Variants in LTBP2 observed in about 807,000 individuals in gnomAD.
LTBP2 encodes the protein latent transforming growth factor beta binding protein 2.
LTBP2 carries 103 observed loss-of-function variants against 210.6 expected under a neutral mutation model. That is an observed-to-expected ratio of 0.49 (90% confidence interval 0.42 to 0.58). The LOEUF is 0.58. LTBP2 is among the 20% of genes least tolerant of loss of function. LTBP2 has a pLI of 0.00. For synonymous variants in LTBP2, 1,007 were observed against 1,015.0 expected (o/e 0.99, Z 0.15); for missense variants, 2,313 against 2,494.5 (o/e 0.93, Z 1.55).
chr14:74,524,239 G>A (rs905437670), intron 15 of LTBP2, among the ~76,000 whole-genome samples: 12 of 152,164 alleles, frequency 7.9e-5, no homozygotes, highest in African/African-American at 2.9e-4. Flanking sequence ...GGCCAGAAGG[G>A]GATGCTCCCT....
intron 2 of LTBP2, among the ~76,000 whole-genome samples, chr14:74,601,463 G>A (rs115663303): frequency 0.019 from 2,844 of 152,278 alleles, 103 homozygotes; most frequent in African/African-American, 0.065. Context: ...GACCACTGAG[G>A]GCCTGACCTC....
intron 15 of LTBP2, among the ~76,000 whole-genome samples, chr14:74,523,616 G>A (rs1224039389): frequency 2.6e-5 from 4 of 152,196 alleles, no homozygotes; most frequent in African/African-American, 9.7e-5. Flanking sequence ...TTTGGAGGCA[G>A]ACTCACTGGG....
At chr14:74,559,503 G>T (rs2087767308) in intron 3 of LTBP2, among the ~76,000 whole-genome samples, 1 of 152,114 alleles carries the variant, frequency 6.6e-6, no homozygotes, top group South Asian at 2.1e-4. Flanking sequence ...CCCAGCCTAG[G>T]CCTCAGAGGT....
intron 2 of LTBP2, among the ~76,000 whole-genome samples, chr14:74,602,145 C>T (rs1425767610): frequency 2.0e-5 from 3 of 152,184 alleles, no homozygotes; most frequent in African/African-American, 4.8e-5. Context: ...CCCAGGAGAT[C>T]GGAGCCTGGA....
intron 3 of LTBP2, among the ~76,000 whole-genome samples, chr14:74,572,877 CCT>C (rs1371729196): frequency 6.6e-6 from 1 of 152,182 alleles, no homozygotes; most frequent in African/African-American, 2.4e-5. Context: ...GCCAGTCTTT[CCT>C]CTCTTTTCTT....
At chr14:74,502,981 G>A in intron 33 of LTBP2, 47 bp from the exon 34 acceptor site, 2 of 1,602,536 alleles carry the variant, frequency 1.2e-6, no homozygotes, top group East Asian at 4.5e-5. Context: ...GCTCCTGCCA[G>A]CTAAAGCCTG....
chr14:74,594,340 C>A (rs952083742), intron 2 of LTBP2, among the ~76,000 whole-genome samples: 1 of 152,314 alleles, frequency 6.6e-6, no homozygotes, highest in East Asian at 1.9e-4. Context: ...CCTTTAGCCT[C>A]TCCCTTCCTC....
At chr14:74,575,212 C>A (rs1390442315) in intron 3 of LTBP2, among the ~76,000 whole-genome samples, 1 of 152,210 alleles carries the variant, frequency 6.6e-6, no homozygotes, top group African/African-American at 2.4e-5. Flanking sequence ...TAAGGCCAGC[C>A]GTGGCCTGCT....
chr14:74,579,775 T>C (rs2088112152), intron 3 of LTBP2, among the ~76,000 whole-genome samples: 1 of 152,070 alleles, frequency 6.6e-6, no homozygotes, highest in Admixed American at 6.5e-5. Flanking sequence ...TGGGAAGGGG[T>C]AAGGACAGGC....
At chr14:74,509,612 G>C in intron 21 of LTBP2, 122 bp downstream of exon 21, 1 of 1,420,904 alleles carries the variant, frequency 7.0e-7, no homozygotes, top group Non-Finnish European at 9.8e-7. Flanking sequence ...CATTTATGGG[G>C]TCTTCTAGCC....
chr14:74,509,940 A>G (rs555749641), intron 20 of LTBP2, 81 bp from the exon 21 acceptor site: 2 of 1,611,250 alleles, frequency 1.2e-6, no homozygotes, highest in African/African-American at 2.7e-5. Flanking sequence ...GGGGTGGGGG[A>G]AGGACAGGTC....
Position 74,612,108 on chromosome 14 carries a change from C to T in LTBP2, c.-164G>A, listed in dbSNP as rs1195522000. The T allele has an allele frequency of 5.3e-5, 37 of 692,082 alleles. No individual in the cohort carries two copies. The South Asian group carries it at 7.8e-4, about 15-fold the overall frequency. The allele number at this position is 692,082 out of a possible 1,614,324, so 42.9% of individuals were successfully genotyped here. ...ACTGGGGGCCCGGCTCTCGGCGGAA[C>T]GAGGGCTGCGCGCCCCGAGCCTCGA... On this transcript the variant is annotated 5_prime_UTR_variant, in exon 1 of 36. Coordinates refer to ENST00000261978, the MANE Select transcript of LTBP2 (RefSeq NM_000428.3).
Position 74,525,932 on chromosome 14 carries a change from GCACT to G in LTBP2, c.2428+139_2428+142del. ...GGTGTATAGAGAGCTCCCAGAAACA[GCACT>G]CACAGGCCACGTCCTTCTCACCCTC... On this transcript the variant is annotated intron_variant, in intron 14 of 35. Coordinates refer to ENST00000261978, the MANE Select transcript of LTBP2 (RefSeq NM_000428.3). 13 of 856,442 alleles carry G rather than the reference GCACT, an allele frequency of 1.5e-5. 1 individual carries two copies. The South Asian group carries it at 1.9e-4, about 12-fold the overall frequency. The allele number at this position is 856,442 out of a possible 1,614,324, so 53.1% of individuals were successfully genotyped here. A position where few individuals can be genotyped will look rare whatever the true frequency, so the allele number is the denominator to read the frequency against.
At chr14:74,538,953 G>C (rs2087458166) in intron 8 of LTBP2, among the ~76,000 whole-genome samples, 1 of 152,240 alleles carries the variant, frequency 6.6e-6, no homozygotes, top group Non-Finnish European at 1.5e-5. Flanking sequence ...ACTGAGGACA[G>C]AGAGGAGGGA....
At chr14:74,598,947 T>A (rs772476713) in intron 2 of LTBP2, among the ~76,000 whole-genome samples, 16 of 152,172 alleles carry the variant, frequency 1.1e-4, no homozygotes, top group Non-Finnish European at 2.2e-4. Flanking sequence ...GAGGCATGAC[T>A]CGGACAGACA....
intron 34 of LTBP2, among the ~76,000 whole-genome samples, chr14:74,502,147 C>T (rs530868353): frequency 3.3e-5 from 5 of 152,192 alleles, no homozygotes; most frequent in Non-Finnish European, 7.4e-5. Context: ...TGGTGGGTAC[C>T]GTGTGCATGG....
chr14:74,535,841 C>G (rs2087413715), intron 9 of LTBP2, 85 bp downstream of exon 9: 1 of 1,225,062 alleles, frequency 8.2e-7, no homozygotes, highest in Non-Finnish European at 1.2e-6. Flanking sequence ...GGAGACCACT[C>G]GGCCAGTGAC....
chr14:74,555,383 A>C, intron 4 of LTBP2, 120 bp downstream of exon 4: 1 of 1,080,560 alleles, frequency 9.3e-7, no homozygotes, highest in Non-Finnish European at 1.4e-6. Flanking sequence ...TGATTGGCTG[A>C]AAGAATGAGG....
At chr14:74,517,025 A>G in intron 17 of LTBP2, 84 bp from the exon 18 acceptor site, 1 of 1,512,496 alleles carries the variant, frequency 6.6e-7, no homozygotes, top group Non-Finnish European at 8.9e-7. Flanking sequence ...TTCCTTCTAG[A>G]GGCCAAGGAC....
Sources: allele counts gnomAD v4.1 joint callset (sites outside exome capture counted in the v4.1 genomes callset), GRCh38; gene constraint gnomAD v4.1.1; transcripts MANE v1.5; gene names NCBI Gene and HGNC (gene_info 2026-07-23, HGNC 2026-07-21).